LRP1B: variants seen among roughly 807,000 people sequenced by gnomAD.
LRP1B encodes the protein low-density lipoprotein receptor-related protein 1B.
A neutral mutation model predicts 556.6 loss-of-function variants in LRP1B; 217 were observed. The observed-to-expected ratio is 0.39, with a 90% confidence interval of 0.35 to 0.44. The LOEUF is 0.44. Ranked by LOEUF, LRP1B falls within the 20% of genes least tolerant of loss-of-function variation. The pLI, the probability that LRP1B is intolerant of heterozygous loss-of-function variation, is 1.00. For synonymous variants in LRP1B, 2,047 were observed against 1,865.8 expected, an observed-to-expected ratio of 1.10 and a Z score of -2.50; for missense variants, 5,053 against 5,620.8, an observed-to-expected ratio of 0.90 and a Z score of 3.23.
At chr2:141,831,423 T>C (rs1157970540) in intron 1 of LRP1B, among the ~76,000 whole-genome samples, 1 of 151,676 alleles carries the variant, frequency 6.6e-6, no homozygotes, top group Non-Finnish European at 1.5e-5. Context: ...GATCTGACTT[T>C]GTGTTTTTCA....
chr2:142,097,525 G>A (rs538907174), intron 1 of LRP1B, among the ~76,000 whole-genome samples: 219 of 151,606 alleles, frequency 1.4e-3, no homozygotes, highest in Non-Finnish European at 2.3e-3. Flanking sequence ...AAATTATTTA[G>A]AAAATCATAT....
chr2:140,285,167 A>C (rs565735696), intron 84 of LRP1B, among the ~76,000 whole-genome samples: 14 of 150,508 alleles, frequency 9.3e-5, no homozygotes, highest in Middle Eastern at 4.0e-3. Context: ...GTGTGTGTAG[A>C]TACATATACA....
At chr2:140,345,551 G>A (rs900549263) in intron 77 of LRP1B, among the ~76,000 whole-genome samples, 1 of 149,790 alleles carries the variant, frequency 6.7e-6, no homozygotes, top group African/African-American at 2.4e-5. Context: ...ATTCTTACTG[G>A]TAATCTAATC....
intron 1 of LRP1B, among the ~76,000 whole-genome samples, chr2:141,982,206 A>G (rs1702063468): frequency 6.6e-6 from 1 of 152,156 alleles, no homozygotes; most frequent in African/African-American, 2.4e-5. Context: ...GGTGGAGACA[A>G]TGTCTTAAGG....
intron 1 of LRP1B, among the ~76,000 whole-genome samples, chr2:142,048,381 T>C (rs1574631149): frequency 6.6e-6 from 1 of 152,090 alleles, no homozygotes; most frequent in African/African-American, 2.4e-5. Context: ...CTCATAAGTT[T>C]TGACTTGCAC....
At chr2:140,738,313 A>G (rs1189206228) in intron 35 of LRP1B, among the ~76,000 whole-genome samples, 1 of 152,006 alleles carries the variant, frequency 6.6e-6, no homozygotes, top group Non-Finnish European at 1.5e-5. Context: ...AAATTTCCTC[A>G]TGGGGCAGGT....
At chr2:141,061,795 TTTG>T (rs755203821) in intron 8 of LRP1B, among the ~76,000 whole-genome samples, 7 of 151,818 alleles carry the variant, frequency 4.6e-5, no homozygotes, top group Admixed American at 2.0e-4. Context: ...CATTTTTGTC[TTTG>T]TTGTTTTGTT....
intron 1 of LRP1B, among the ~76,000 whole-genome samples, chr2:141,880,069 A>G (rs1698903815): frequency 2.0e-5 from 3 of 152,000 alleles, no homozygotes; most frequent in Non-Finnish European, 4.4e-5. Context: ...GAATTAGACC[A>G]GAAGGTCTCT....
In LRP1B at chr2:141,120,481, A is replaced by C. The variant is rs142076155; in HGVS notation, c.1014-58208T>G. 6.7e-4 allele frequency among the ~76,000 whole-genome samples: 102 copies of C among 152,104 alleles called. 1 individual carries two copies. Among genetic ancestry groups the C allele is most frequent in the African/African-American group, 2.5e-3 (102 of 41,530 alleles). Reference sequence around the variant, plus strand: ...GACTATTTTAACCTACACATAAGGCAATTTCAATGCAAAAATTCTATCTCA... The same window carrying C: ...GACTATTTTAACCTACACATAAGGCCATTTCAATGCAAAAATTCTATCTCA... On this transcript the variant is annotated intron_variant, in intron 7 of 90. Coordinates refer to ENST00000389484, the MANE Select transcript of LRP1B (RefSeq NM_018557.3).
intron 43 of LRP1B, among the ~76,000 whole-genome samples, chr2:140,584,564 C>T (rs904668201): frequency 2.6e-5 from 4 of 152,080 alleles, no homozygotes; most frequent in African/African-American, 9.7e-5. Flanking sequence ...ATCAATCCAT[C>T]AGTATCAGTA....
At chr2:140,331,960 T>C (rs976396126) in intron 79 of LRP1B, among the ~76,000 whole-genome samples, 1 of 151,830 alleles carries the variant, frequency 6.6e-6, no homozygotes, top group Non-Finnish European at 1.5e-5. Context: ...GCCTCCCAAA[T>C]TGCTGGGATT....
chr2:142,054,369 C>T (rs1704581626), intron 1 of LRP1B, among the ~76,000 whole-genome samples: 1 of 152,004 alleles, frequency 6.6e-6, no homozygotes, highest in African/African-American at 2.4e-5. Context: ...CATGTTGTCC[C>T]ATCCCCACTA....
At chr2:141,125,012 G>A (rs1283922766) in intron 7 of LRP1B, among the ~76,000 whole-genome samples, 1 of 151,952 alleles carries the variant, frequency 6.6e-6, no homozygotes, top group African/African-American at 2.4e-5. Flanking sequence ...CAATACCTAG[G>A]TGCTTTAGAA....
chr2:141,708,239 A>C (rs10195330), intron 2 of LRP1B, among the ~76,000 whole-genome samples: 51,601 of 151,826 alleles, frequency 0.34, 9,312 homozygotes, highest in East Asian at 0.59. Context: ...TAAAAAAAAA[A>C]CAAAATTAAA....
intron 20 of LRP1B, among the ~76,000 whole-genome samples, chr2:140,949,339 T>G (rs992678487): frequency 1.3e-5 from 2 of 152,198 alleles, no homozygotes; most frequent in African/African-American, 4.8e-5. Flanking sequence ...CTGTAAGATT[T>G]CCAACATGAC....
chr2:141,138,326 GAC>G (rs1701540780), intron 7 of LRP1B, among the ~76,000 whole-genome samples: 1 of 151,908 alleles, frequency 6.6e-6, no homozygotes, highest in Non-Finnish European at 1.5e-5. Flanking sequence ...ACTGGTGAAA[GAC>G]TGAAAGCTTT....
At chr2:141,213,224 T>G (rs1447863882) in intron 6 of LRP1B, among the ~76,000 whole-genome samples, 3 of 151,960 alleles carry the variant, frequency 2.0e-5, no homozygotes, top group African/African-American at 7.3e-5. Flanking sequence ...GTGCTGGGAT[T>G]ACAGACATGA....
intron 4 of LRP1B, among the ~76,000 whole-genome samples, chr2:141,253,869 G>T (rs1335286249): frequency 2.9e-5 from 4 of 136,092 alleles, no homozygotes; most frequent in Non-Finnish European, 4.9e-5. Flanking sequence ...GATATAGATA[G>T]ATTCTAAGTA....
chr2:140,314,958 C>G lies in LRP1B; in HGVS notation c.12782G>C (p.Gly4261Ala). Reference sequence around the variant, plus strand: ...ACCTAGAACTGATGGTACGCAAGTTCCTCCATTCTGGCAGTAGTTGCTACA... The same window carrying G: ...ACCTAGAACTGATGGTACGCAAGTTGCTCCATTCTGGCAGTAGTTGCTACA... Reference protein sequence around the residue: ...NHCSNYCQNGGTCVPSVLGRP... With the variant: ...NHCSNYCQNGATCVPSVLGRP... Residue 4261 changes from glycine to alanine, a missense_variant, in exon 83 of 91, where the codon GGA (glycine) becomes GCA (alanine). Around this residue, in one of 5 missense-constraint regions of LRP1B, gnomAD observed 551 missense variants for 592.0 expected, o/e 0.93. Transcript: ENST00000389484. 1 of 1,606,784 alleles carries G rather than the reference C, an allele frequency of 6.2e-7. No individual in the cohort carries two copies. Among genetic ancestry groups the G allele is most frequent in the South Asian group, 1.1e-5 (1 of 89,598 alleles).
Sources: gnomAD v4.1 joint callset for allele counts (sites outside exome capture counted in the v4.1 genomes callset) on GRCh38, gnomAD v4.1.1 for gene constraint, gnomAD v4.1.1 regional missense constraint, MANE v1.5 for transcripts, NCBI Gene and HGNC (gene_info 2026-07-23, HGNC 2026-07-21) for gene names.